The following ARHGAP8 variants were observed in gnomAD, a reference collection of about 807,000 sequenced individuals.
The protein encoded by ARHGAP8 is rho GTPase-activating protein 8.
Under a neutral mutation model 46.1 loss-of-function variants are expected in ARHGAP8, and 62 were observed. The ratio of observed to expected loss-of-function variants is 1.34; its 90% CI spans 1.10 to 1.66. The LOEUF (loss-of-function observed/expected upper bound fraction) is 1.66, where lower values mean the gene tolerates loss of function less well. Among genes scored for constraint, ARHGAP8 ranks in the 40% most tolerant of loss-of-function variants. The pLI is 0.00. For missense variants in ARHGAP8, 923 were observed against 568.4 expected (o/e 1.62, Z -6.34); for synonymous variants, 375 against 243.1 (o/e 1.54, Z -5.05).
At chr22:44,754,798 G>A (rs922103394) in intron 1 of ARHGAP8, among the ~76,000 whole-genome samples, 22 of 152,208 alleles carry the variant, frequency 1.4e-4, no homozygotes, top group African/African-American at 4.8e-4. Flanking sequence ...TTAAAGAGAC[G>A]AGAGCAAGGA....
At chr22:44,831,807 A>G (rs573881661) in intron 7 of ARHGAP8, among the ~76,000 whole-genome samples, 16 of 152,314 alleles carry the variant, frequency 1.1e-4, no homozygotes, top group Admixed American at 5.2e-4. Flanking sequence ...ATTCTTGCCT[A>G]TTGGTCTATA....
chr22:44,815,151 A>G (rs552146513), intron 5 of ARHGAP8, among the ~76,000 whole-genome samples: 1 of 152,304 alleles, frequency 6.6e-6, no homozygotes, highest in African/African-American at 2.4e-5. Flanking sequence ...AAAGGCACAC[A>G]AGGCTGAGTC....
At chr22:44,794,987 G>A (rs1019402245) in intron 2 of ARHGAP8, among the ~76,000 whole-genome samples, 3 of 147,710 alleles carry the variant, frequency 2.0e-5, no homozygotes, top group Non-Finnish European at 4.4e-5. Context: ...GCTGCAGTAA[G>A]TTATGATCAT....
At chr22:44,761,928 T>C (rs1193168626) in intron 1 of ARHGAP8, among the ~76,000 whole-genome samples, 2 of 152,156 alleles carry the variant, frequency 1.3e-5, no homozygotes, top group African/African-American at 4.8e-5. Flanking sequence ...TCAGATCTCA[T>C]GAGACTTATT....
chr22:44,793,786 T>C (rs1014200004), intron 2 of ARHGAP8, among the ~76,000 whole-genome samples: 3 of 152,166 alleles, frequency 2.0e-5, no homozygotes, highest in Non-Finnish European at 4.4e-5. Context: ...GAATTTGCAT[T>C]TTATTGATAG....
intron 2 of ARHGAP8, among the ~76,000 whole-genome samples, chr22:44,789,986 A>C (rs973713696): frequency 6.6e-6 from 1 of 152,126 alleles, no homozygotes; most frequent in East Asian, 1.9e-4. Context: ...ACAGCTTATC[A>C]CTAAACGTTT....
chr22:44,828,608 C>G (rs1930705988), intron 7 of ARHGAP8, among the ~76,000 whole-genome samples: 1 of 147,016 alleles, frequency 6.8e-6, no homozygotes. Context: ...CGCCACCACA[C>G]CTGGCTAATT....
Position 44,862,534 on chromosome 22 carries a change from CGG to C in ARHGAP8, c.1243_1244del (p.Gly415ProfsTer59). 6.2e-7 allele frequency: 1 copy of C among 1,609,052 alleles called. No homozygotes were observed. The highest frequency in any genetic ancestry group is 8.5e-7 in the Non-Finnish European group (1 of 1,176,032). On this transcript the variant is annotated frameshift_variant, in exon 12 of 12. Coordinates refer to ENST00000356099, the MANE Select transcript of ARHGAP8 (RefSeq NM_181335.3). LOFTEE classifies it low-confidence loss of function (END_TRUNC). ...GAGGCTGTGCCACGGACACAAGCCACGGGCCTCACCAAGCCTACCCTACCTCC... is the reference window on the plus strand; with the variant it reads ...GAGGCTGTGCCACGGACACAAGCCACGCCTCACCAAGCCTACCCTACCTCC...
chr22:44,768,855 T>C (rs559345263), intron 1 of ARHGAP8, among the ~76,000 whole-genome samples: 5 of 151,002 alleles, frequency 3.3e-5, no homozygotes, highest in South Asian at 2.1e-4. Context: ...TTTTTTTTTT[T>C]CAAGACAGAG....
chr22:44,862,581 A>G lies in ARHGAP8; in HGVS notation c.1288A>G (p.Arg430Gly), dbSNP rs774644991. 6 of 1,585,376 alleles carry G rather than the reference A, an allele frequency of 3.8e-6. No individual in the cohort carries two copies. Among genetic ancestry groups the G allele is most frequent in the Non-Finnish European group, 5.2e-6 (6 of 1,160,394 alleles). ...TLPPSPLMAARRRL is the reference protein window; with the variant it reads ...TLPPSPLMAAGRRL Reference sequence around the variant, plus strand: ...ACCTCCGAGTCCCCTGATGGCAGCCAGAAGACGTCTCTAGTGTTGCGAACA... The same window carrying G: ...ACCTCCGAGTCCCCTGATGGCAGCCGGAAGACGTCTCTAGTGTTGCGAACA... Residue 430 changes from arginine to glycine, a missense_variant, in exon 12 of 12, where the codon AGA becomes GGA. By Grantham distance (125) the Arg-to-Gly change is moderately radical. Coordinates refer to ENST00000356099, the MANE Select transcript of ARHGAP8 (RefSeq NM_181335.3).
intron 1 of ARHGAP8, among the ~76,000 whole-genome samples, chr22:44,771,562 AT>A (rs1181006822): frequency 3.2e-5 from 4 of 126,214 alleles, no homozygotes; most frequent in African/African-American, 6.1e-5. Context: ...TTTATTTTTT[AT>A]TTTTTTTTGA....
At chr22:44,847,660 A>C (rs2069990557) in intron 8 of ARHGAP8, among the ~76,000 whole-genome samples, 1 of 152,086 alleles carries the variant, frequency 6.6e-6, no homozygotes, top group Non-Finnish European at 1.5e-5. Flanking sequence ...TCATGGCCTT[A>C]TTCTGTAGAT....
At chr22:44,813,894 G>A (rs1929548199) in intron 4 of ARHGAP8, among the ~76,000 whole-genome samples, 1 of 152,144 alleles carries the variant, frequency 6.6e-6, no homozygotes. Context: ...AAAAATTCCT[G>A]AAATTTTGAC....
chr22:44,766,877 A>G (rs1442782588), intron 1 of ARHGAP8, among the ~76,000 whole-genome samples: 1 of 140,698 alleles, frequency 7.1e-6, no homozygotes, highest in Admixed American at 7.0e-5. Context: ...GAGGGAGCAG[A>G]TGACAGGGGC....
rs1304993939 is a variant in ARHGAP8 at position 44,853,765 on chromosome 22, C to T, written c.877+4705C>T. ...CATCAGGGCCAGCTGCGGTGGTTCA[C>T]GCCTGTAATCCTAGCACTTTGGGAG... On this transcript the variant is annotated intron_variant, in intron 10 of 11. Transcript: ENST00000356099. 5.3e-5 allele frequency among the ~76,000 whole-genome samples: 8 copies of T among 152,152 alleles called. No homozygotes were observed. In the South Asian group the frequency reaches 1.2e-3, roughly 24 times the overall value.
At position 44,830,037 on chromosome 22, in the gene ARHGAP8, T is replaced by C. The variant is rs569939319; in HGVS notation, c.596+4444T>C. On this transcript the variant is annotated intron_variant, in intron 7 of 11. Transcript: ENST00000356099. ...TTTCCTCTCTCTCTTTTTTTTTTTT[T>C]CCCTGAGATGGCGTCTCACTCTGTC... 3.5e-4 allele frequency among the ~76,000 whole-genome samples: 53 copies of C among 151,122 alleles called. No individual in the cohort carries two copies. In the South Asian group the frequency reaches 4.0e-3, roughly 11 times the overall value.
At chr22:44,760,545 A>C (rs375767840) in intron 1 of ARHGAP8, among the ~76,000 whole-genome samples, 1 of 152,198 alleles carries the variant, frequency 6.6e-6, no homozygotes, top group African/African-American at 2.4e-5. Context: ...GCATTGTGCA[A>C]ATACCACAGC....
chr22:44,792,092 A>G lies in ARHGAP8; in HGVS notation c.79+5486A>G, dbSNP rs1419729767. The stretch of plus-strand genomic sequence containing the variant: ...CAGTGGTGCGATCTCAGCTCACTGC[A>G]ACCTCCACCTCCCAGGTTCAAGCGA... On this transcript the variant is annotated intron_variant, in intron 2 of 11. Transcript: ENST00000356099. Among the ~76,000 whole-genome samples, 5 of 151,478 alleles carry G rather than the reference A, an allele frequency of 3.3e-5. No individual in the cohort carries two copies. In the South Asian group the frequency reaches 8.3e-4, roughly 25 times the overall value.
chr22:44,829,808 C>G (rs1446050914), intron 7 of ARHGAP8, among the ~76,000 whole-genome samples: 1 of 152,160 alleles, frequency 6.6e-6, no homozygotes, highest in Non-Finnish European at 1.5e-5. Context: ...CAGCAGAAAG[C>G]TATCACCTTA....
Sources: allele counts gnomAD v4.1 joint callset (sites outside exome capture counted in the v4.1 genomes callset), GRCh38; gene constraint gnomAD v4.1.1; transcripts MANE v1.5; gene names NCBI Gene and HGNC (gene_info 2026-07-23, HGNC 2026-07-21).